Variants in KCTD16 observed in about 807,000 individuals in gnomAD.
The protein encoded by KCTD16 is potassium channel tetramerization domain containing 16.
KCTD16 carries 13 observed loss-of-function variants against 33.2 expected under a neutral mutation model. The observed-to-expected ratio is 0.39, with a 90% CI of 0.25 to 0.62. The LOEUF (loss-of-function observed/expected upper bound fraction) is 0.62, where lower values mean the gene tolerates loss of function less well. KCTD16 is among the 20% of genes least tolerant of loss of function. The pLI is 0.50. For synonymous variants in KCTD16, 197 were observed against 195.3 expected (o/e 1.01, Z -0.07); for missense variants, 441 against 525.1 (o/e 0.84, Z 1.57).
chr5:144,368,416 A>C (rs1052664150), intron 3 of KCTD16, among the ~76,000 whole-genome samples: 1 of 152,146 alleles, frequency 6.6e-6, no homozygotes, highest in African/African-American at 2.4e-5. Flanking sequence ...TTCAGGATGG[A>C]GAGAGACATG....
intron 3 of KCTD16, among the ~76,000 whole-genome samples, chr5:144,386,379 T>G (rs1752324673): frequency 2.6e-5 from 4 of 152,212 alleles, no homozygotes. Flanking sequence ...CTAGGCATTG[T>G]CAAAATACTG....
In KCTD16 at chr5:144,206,492, ACC is replaced by A; in HGVS notation, c.-222_-221del. 1 of 499,778 alleles carries A rather than the reference ACC, an allele frequency of 2.0e-6. No homozygotes were observed. The highest frequency in any genetic ancestry group is 3.5e-6 in the Non-Finnish European group (1 of 284,618). 31.0% of individuals were successfully genotyped at this position (499,778 alleles called of 1,614,324 possible). A position where few individuals can be genotyped will look rare whatever the true frequency, so the allele number is the denominator to read the frequency against. ...ATATTTTATGAAGTAGCAGCTCACTACCATCCACCATCCAGGGTTTAAACTAC... is the reference window on the plus strand; with the variant it reads ...ATATTTTATGAAGTAGCAGCTCACTAATCCACCATCCAGGGTTTAAACTAC... On this transcript the variant is annotated 5_prime_UTR_variant, in exon 3 of 4. Transcript: ENST00000512467.
intron 3 of KCTD16, among the ~76,000 whole-genome samples, chr5:144,421,740 A>G (rs17101880): frequency 0.082 from 12,535 of 152,116 alleles, 1,707 homozygotes; most frequent in African/African-American, 0.28. Flanking sequence ...ATGGACATTG[A>G]TTGTAGGAAC....
At chr5:144,359,630 G>C (rs1447502695) in intron 3 of KCTD16, among the ~76,000 whole-genome samples, 1 of 151,110 alleles carries the variant, frequency 6.6e-6, no homozygotes, top group African/African-American at 2.4e-5. Context: ...AGTATCTGGA[G>C]ACATTTTTGG....
intron 3 of KCTD16, among the ~76,000 whole-genome samples, chr5:144,289,776 A>G (rs1357593217): frequency 6.6e-6 from 1 of 152,122 alleles, no homozygotes; most frequent in East Asian, 1.9e-4. Flanking sequence ...TGGCTACTAG[A>G]TTATGATTAC....
chr5:144,175,533 C>A (rs1474245953), intron 2 of KCTD16, among the ~76,000 whole-genome samples: 4 of 152,164 alleles, frequency 2.6e-5, no homozygotes, highest in African/African-American at 9.7e-5. Context: ...GTAATCTTCT[C>A]ATTGGGCAAA....
At chr5:144,354,622 T>A (rs1420532559) in intron 3 of KCTD16, among the ~76,000 whole-genome samples, 1 of 152,200 alleles carries the variant, frequency 6.6e-6, no homozygotes, top group African/African-American at 2.4e-5. Flanking sequence ...GAAATTAAGA[T>A]CTTAGTTCTA....
At chr5:144,440,808 C>G (rs578058089) in intron 3 of KCTD16, among the ~76,000 whole-genome samples, 1 of 151,806 alleles carries the variant, frequency 6.6e-6, no homozygotes, top group Admixed American at 6.6e-5. Flanking sequence ...TTGTTACATA[C>G]GTATACATGT....
chr5:144,258,325 T>C (rs537692017), intron 3 of KCTD16, among the ~76,000 whole-genome samples: 5 of 151,942 alleles, frequency 3.3e-5, no homozygotes, highest in Non-Finnish European at 7.4e-5. Context: ...AGTATAGTAA[T>C]AATAATCATA....
intron 3 of KCTD16, among the ~76,000 whole-genome samples, chr5:144,246,177 C>T (rs1364787387): frequency 6.6e-6 from 1 of 152,174 alleles, no homozygotes; most frequent in Non-Finnish European, 1.5e-5. Flanking sequence ...GCTGAGTCTC[C>T]ACTTTTCTAT....
At chr5:144,249,860 CCAA>C (rs1363243900) in intron 3 of KCTD16, among the ~76,000 whole-genome samples, 9 of 152,200 alleles carry the variant, frequency 5.9e-5, no homozygotes, top group African/African-American at 2.2e-4. Flanking sequence ...GATGTTCTTT[CCAA>C]ATAACATGCT....
intron 3 of KCTD16, among the ~76,000 whole-genome samples, chr5:144,299,707 A>ACACAGT (rs1751372334): frequency 6.6e-6 from 1 of 152,056 alleles, no homozygotes; most frequent in Non-Finnish European, 1.5e-5. Flanking sequence ...AACTTAATGA[A>ACACAGT]AGCAACACAG....
At chr5:144,319,153 A>T (rs1752007061) in intron 3 of KCTD16, among the ~76,000 whole-genome samples, 1 of 152,080 alleles carries the variant, frequency 6.6e-6, no homozygotes, top group South Asian at 2.1e-4. Flanking sequence ...AAATTTTGTT[A>T]TATGGTTGTT....
At chr5:144,186,017 A>G (rs1377889150) in intron 2 of KCTD16, among the ~76,000 whole-genome samples, 1 of 152,154 alleles carries the variant, frequency 6.6e-6, no homozygotes, top group Non-Finnish European at 1.5e-5. Context: ...CCAGTTGATG[A>G]AGTCAAGATT....
chr5:144,305,439 T>A (rs1429298547), intron 3 of KCTD16, among the ~76,000 whole-genome samples: 1 of 152,164 alleles, frequency 6.6e-6, no homozygotes, highest in Non-Finnish European at 1.5e-5. Context: ...TCAATCTGAC[T>A]GGTGTCTTTA....
At chr5:144,413,925 T>C (rs1485391433) in intron 3 of KCTD16, among the ~76,000 whole-genome samples, 2 of 152,216 alleles carry the variant, frequency 1.3e-5, no homozygotes, top group Non-Finnish European at 2.9e-5. Context: ...TTGGCCACTC[T>C]ACTTTTTCTC....
intron 3 of KCTD16, among the ~76,000 whole-genome samples, chr5:144,309,285 C>T (rs140146702): frequency 6.6e-6 from 1 of 152,030 alleles, no homozygotes. Context: ...ATCAATATGT[C>T]CTACGACTCC....
At chr5:144,369,350 T>A (rs552679844) in intron 3 of KCTD16, 8 of 152,258 alleles carry the variant, frequency 5.3e-5, no homozygotes, top group Admixed American at 1.3e-4. Flanking sequence ...AGCACAGGCA[T>A]GGAAAAGGTC....
chr5:144,331,968 T>C (rs1752373716), intron 3 of KCTD16, among the ~76,000 whole-genome samples: 1 of 152,184 alleles, frequency 6.6e-6, no homozygotes, highest in Non-Finnish European at 1.5e-5. Flanking sequence ...CTCTTGACCA[T>C]TGATATTATA....
Sources: gnomAD v4.1 joint callset for allele counts (sites outside exome capture counted in the v4.1 genomes callset) on GRCh38, gnomAD v4.1.1 for gene constraint, MANE v1.5 for transcripts, NCBI Gene and HGNC (gene_info 2026-07-23, HGNC 2026-07-21) for gene names.